Variants in PTK2B observed in about 807,000 individuals in gnomAD.
The protein encoded by PTK2B is protein tyrosine kinase 2 beta, also known as protein-tyrosine kinase 2-beta.
In PTK2B, 71 loss-of-function variants were observed where a neutral mutation model predicts 142.9. The ratio of observed to expected loss-of-function variants is 0.50; its 90% confidence interval spans 0.41 to 0.61. The LOEUF (loss-of-function observed/expected upper bound fraction) is 0.61, where lower values mean the gene tolerates loss of function less well. PTK2B is among the 20% of genes least tolerant of loss of function. PTK2B has a pLI of 0.00. For synonymous variants in PTK2B, 519 were observed against 503.4 expected, an observed-to-expected ratio of 1.03 and a Z score of -0.42; for missense variants, 1,105 against 1,320.4, an observed-to-expected ratio of 0.84 and a Z score of 2.53.
intron 23 of PTK2B, among the ~76,000 whole-genome samples, chr8:27,445,558 C>T (rs1811416022): frequency 6.6e-6 from 1 of 152,116 alleles, no homozygotes; most frequent in Admixed American, 6.5e-5. Flanking sequence ...CAGCATGGAC[C>T]CCACTGTGTG....
chr8:27,379,058 G>T (rs1473007172), intron 1 of PTK2B, among the ~76,000 whole-genome samples: 2 of 152,162 alleles, frequency 1.3e-5, no homozygotes, highest in African/African-American at 4.8e-5. Flanking sequence ...TGACTGCCCT[G>T]TTCCCAACGT....
intron 1 of PTK2B, chr8:27,326,971 A>G (rs966272644): frequency 1.4e-4 from 22 of 152,240 alleles, no homozygotes; most frequent in African/African-American, 5.3e-4. Flanking sequence ...GCAGGGTACT[A>G]TCCAACCCTG....
At chr8:27,454,466 C>T in intron 29 of PTK2B, 65 bp from the exon 30 acceptor site, 1 of 1,582,746 alleles carries the variant, frequency 6.3e-7, no homozygotes, top group Non-Finnish European at 8.7e-7. Flanking sequence ...GAGCTCTTCC[C>T]AGGGGAAACC....
At chr8:27,434,609 T>C (rs1451789681) in intron 13 of PTK2B, 50 bp downstream of exon 13, 2 of 1,565,992 alleles carry the variant, frequency 1.3e-6, no homozygotes, top group Non-Finnish European at 1.7e-6. Flanking sequence ...TCCCGTCTGC[T>C]TGCTCCCCAC....
chr8:27,453,015 G>A, intron 27 of PTK2B, 99 bp from the exon 28 acceptor site: 1 of 1,397,818 alleles, frequency 7.2e-7, no homozygotes, highest in South Asian at 1.2e-5. Flanking sequence ...GAAGTCTCCT[G>A]GTGGTAGAGG....
At chr8:27,416,604 C>CTAA (rs1809415639) in intron 2 of PTK2B, among the ~76,000 whole-genome samples, 1 of 152,132 alleles carries the variant, frequency 6.6e-6, no homozygotes, top group Non-Finnish European at 1.5e-5. Context: ...ACAGAAAACG[C>CTAA]TAACCATGAA....
At chr8:27,448,775 G>A (rs577725120) in intron 24 of PTK2B, among the ~76,000 whole-genome samples, 39 of 152,236 alleles carry the variant, frequency 2.6e-4, no homozygotes, top group Admixed American at 9.8e-4. Context: ...AACAGCCTGG[G>A]GCAGCCATGC....
intron 1 of PTK2B, among the ~76,000 whole-genome samples, chr8:27,350,948 C>T (rs1300230641): frequency 8.0e-6 from 1 of 124,684 alleles, no homozygotes; most frequent in Non-Finnish European, 1.6e-5. Context: ...TGCATTCCAG[C>T]CTGGGGGACA....
At chr8:27,340,054 A>G (rs1804303741) in intron 1 of PTK2B, among the ~76,000 whole-genome samples, 1 of 152,196 alleles carries the variant, frequency 6.6e-6, no homozygotes, top group Admixed American at 6.5e-5. Context: ...CCTATTTTTG[A>G]GAATGTAGAA....
intron 3 of PTK2B, among the ~76,000 whole-genome samples, chr8:27,317,009 G>A (rs772377972): frequency 7.2e-5 from 11 of 152,174 alleles, no homozygotes; most frequent in Non-Finnish European, 1.3e-4. Flanking sequence ...TGTTGGTTAT[G>A]TCAGTGACTT....
rs749528867 is a variant in PTK2B, at chr8:27,442,935, A to G, written c.2100A>G (p.Arg700=). Residue 700 remains arginine (R), a synonymous_variant, in exon 22 of 31, where the codon CGA becomes CGG. Transcript: ENST00000346049. ...AMEQERNARY[R]TPKILEPTAF... The stretch of plus-strand genomic sequence containing the variant: ...AGCAAGAGAGGAATGCTCGCTACCG[A>G]ACCCCCAAAATCTTGGAGCCCACAG... 1 of 1,614,150 alleles carries G rather than the reference A, an allele frequency of 6.2e-7. No homozygotes were observed. The highest frequency in any genetic ancestry group is 8.5e-7 in the Non-Finnish European group (1 of 1,179,994).
chr8:27,351,040 T>TAC (rs1563211388), intron 1 of PTK2B, among the ~76,000 whole-genome samples: 6 of 97,954 alleles, frequency 6.1e-5, no homozygotes, highest in African/African-American at 2.8e-4. Context: ...TATATATATA[T>TAC]ACGTGCTTGG....
At chr8:27,335,610 A>G (rs1169893051) in intron 1 of PTK2B, among the ~76,000 whole-genome samples, 1 of 151,914 alleles carries the variant, frequency 6.6e-6, no homozygotes, top group African/African-American at 2.4e-5. Flanking sequence ...AAAAAAAAAA[A>G]AAAAGAGAAA....
intron 2 of PTK2B, among the ~76,000 whole-genome samples, chr8:27,405,818 T>C (rs1237198285): frequency 2.6e-5 from 4 of 152,254 alleles, no homozygotes; most frequent in Non-Finnish European, 4.4e-5. Flanking sequence ...CACGTCAAAA[T>C]GAATGCTTTC....
At chr8:27,397,426 G>A (rs1292532633) in intron 1 of PTK2B, 122 bp from the exon 2 acceptor site, 1 of 752,722 alleles carries the variant, frequency 1.3e-6, no homozygotes, top group Non-Finnish European at 2.2e-6. Flanking sequence ...GAGCTTTTGG[G>A]AATGGGAGAA....
chr8:27,437,815 C>A lies in PTK2B; in HGVS notation c.1578C>A (p.Leu526=), dbSNP rs762593264. The change falls in exon 18 of 31, where the codon CTC becomes CTA. Residue 526 remains leucine (L), a synonymous_variant. Coordinates refer to ENST00000346049, the MANE Select transcript of PTK2B (RefSeq NM_173176.3). The stretch of plus-strand genomic sequence containing the variant: ...AGAACTCCCTGAAGGTGCTCACCCT[C>A]GTGCTGTACTCACTGCAGATATGCA... ...RNKNSLKVLT[L]VLYSLQICKA... The A allele has an allele frequency of 1.2e-6, 2 of 1,613,488 alleles. No individual in the cohort carries two copies. Among genetic ancestry groups the A allele is most frequent in the Admixed American group, 1.7e-5 (1 of 59,910 alleles).
chr8:27,400,455 A>T (rs1274358666), intron 2 of PTK2B, among the ~76,000 whole-genome samples: 1 of 152,036 alleles, frequency 6.6e-6, no homozygotes, highest in East Asian at 1.9e-4. Flanking sequence ...ATTAAAAAAA[A>T]AAAAAAAAAC....
At chr8:27,329,760 A>G (rs1487311715) in intron 1 of PTK2B, among the ~76,000 whole-genome samples, 2 of 152,098 alleles carry the variant, frequency 1.3e-5, no homozygotes, top group Non-Finnish European at 2.9e-5. Context: ...CTGTCCAAGC[A>G]GTCGGATGGT....
intron 3 of PTK2B, among the ~76,000 whole-genome samples, chr8:27,316,051 C>T (rs933664667): frequency 2.0e-5 from 3 of 152,086 alleles, no homozygotes; most frequent in Admixed American, 6.6e-5. Flanking sequence ...TACAAAGGAC[C>T]TTATTCAGAG....
Sources: allele counts gnomAD v4.1 joint callset (sites outside exome capture counted in the v4.1 genomes callset), GRCh38; gene constraint gnomAD v4.1.1; transcripts MANE v1.5; gene names NCBI Gene and HGNC (gene_info 2026-07-23, HGNC 2026-07-21).